TBCK: variants seen among roughly 807,000 people sequenced by gnomAD.
TBCK encodes the protein TBC1 domain containing kinase.
A neutral mutation model predicts 113.4 loss-of-function variants in TBCK; 99 were observed. That is an observed-to-expected ratio of 0.87 (90% confidence interval 0.74 to 1.03). TBCK has a LOEUF of 1.03. Among genes scored for constraint, TBCK ranks in the 50% least tolerant of loss-of-function variants. The pLI is 0.00. For missense variants in TBCK, 1,045 were observed against 1,061.3 expected, an observed-to-expected ratio of 0.98 and a Z score of 0.21; for synonymous variants, 369 against 370.8, an observed-to-expected ratio of 1.00 and a Z score of 0.05.
intron 19 of TBCK, among the ~76,000 whole-genome samples, chr4:106,221,579 G>A (rs1418374532): frequency 6.6e-6 from 1 of 151,460 alleles, no homozygotes; most frequent in African/African-American, 2.4e-5. Flanking sequence ...TTTCAAAAAA[G>A]CTTTTAAAAG....
At chr4:106,067,616 T>A (rs1282033172) in intron 25 of TBCK, among the ~76,000 whole-genome samples, 1 of 152,194 alleles carries the variant, frequency 6.6e-6, no homozygotes, top group Non-Finnish European at 1.5e-5. Context: ...TCTAAGAGTT[T>A]TATAGTTGTA....
At chr4:106,237,645 G>A in intron 12 of TBCK, 1 of 393,702 alleles carries the variant, frequency 2.5e-6, no homozygotes, top group Non-Finnish European at 5.1e-6. Flanking sequence ...AATTTTTAAA[G>A]CTTAAGAAAA....
intron 3 of TBCK, among the ~76,000 whole-genome samples, chr4:106,286,834 C>T (rs909940393): frequency 4.0e-5 from 6 of 149,212 alleles, no homozygotes; most frequent in African/African-American, 1.2e-4. Flanking sequence ...AAGCAGTGAT[C>T]GCACTACTGC....
intron 23 of TBCK, among the ~76,000 whole-genome samples, chr4:106,169,355 A>G (rs1208136359): frequency 2.0e-5 from 3 of 152,096 alleles, no homozygotes; most frequent in Admixed American, 1.3e-4. Flanking sequence ...ACAAACATCA[A>G]TGAAAAAGAA....
intron 2 of TBCK, among the ~76,000 whole-genome samples, chr4:106,297,913 A>AAATGAGTT (rs1465516530): frequency 6.2e-4 from 95 of 152,320 alleles, no homozygotes; most frequent in African/African-American, 2.2e-3. Context: ...TGTGAGGTTG[A>AAATGAGTT]AATGAGTTAA....
At chr4:106,198,216 T>C (rs1679806036) in intron 20 of TBCK, among the ~76,000 whole-genome samples, 1 of 152,172 alleles carries the variant, frequency 6.6e-6, no homozygotes, top group African/African-American at 2.4e-5. Context: ...CCTCTGTGAA[T>C]CCCAGATCTT....
intron 25 of TBCK, among the ~76,000 whole-genome samples, chr4:106,067,810 G>A (rs1309084130): frequency 1.3e-5 from 2 of 152,054 alleles, no homozygotes; most frequent in Non-Finnish European, 2.9e-5. Flanking sequence ...ATAGACGTGA[G>A]GGTTTATTTC....
intron 1 of TBCK, among the ~76,000 whole-genome samples, chr4:106,312,236 T>C (rs1369289223): frequency 6.6e-6 from 1 of 152,180 alleles, no homozygotes; most frequent in Non-Finnish European, 1.5e-5. Context: ...CTGTATATAA[T>C]TGACCTGTAT....
chr4:106,291,167 T>C (rs1200616224), intron 3 of TBCK, among the ~76,000 whole-genome samples: 1 of 152,144 alleles, frequency 6.6e-6, no homozygotes, highest in African/African-American at 2.4e-5. Flanking sequence ...AAATGCAACA[T>C]TTATTTTAGT....
chr4:106,242,448 A>G (rs768777600), intron 12 of TBCK, 22 bp downstream of exon 12: 31 of 1,559,436 alleles, frequency 2.0e-5, no homozygotes, highest in Middle Eastern at 1.7e-4. Context: ...CTAAAGCAGA[A>G]CTGTCAAAAT....
At position 106,273,174 on chromosome 4, in the gene TBCK, A is replaced by G. The variant is rs148281451; in HGVS notation, c.267-10962T>C. 5.6e-3 allele frequency among the ~76,000 whole-genome samples: 847 copies of G among 152,354 alleles called. 10 individuals carry two copies. Among genetic ancestry groups the G allele is most frequent in the African/African-American group, 0.02 (816 of 41,586 alleles). On this transcript the variant is annotated intron_variant, in intron 3 of 25. Coordinates refer to ENST00000394708, the MANE Select transcript of TBCK (RefSeq NM_001163435.3). The stretch of plus-strand genomic sequence containing the variant: ...AACCCTTGGCTTTACAATTGTAACT[A>G]TAACAACAAAATGTAAAAGGAATAC...
chr4:106,212,556 G>C (rs895936557), intron 20 of TBCK, among the ~76,000 whole-genome samples, 194 bp downstream of exon 20: 2 of 152,038 alleles, frequency 1.3e-5, no homozygotes, highest in Non-Finnish European at 2.9e-5. Context: ...TAAGAAAAAT[G>C]ACTTATTTTC....
chr4:106,154,219 T>C (rs1388722527), intron 23 of TBCK, among the ~76,000 whole-genome samples: 1 of 152,154 alleles, frequency 6.6e-6, no homozygotes, highest in African/African-American at 2.4e-5. Context: ...TTTATGTATC[T>C]GTGGTGTGTT....
chr4:106,138,568 T>C (rs907561866), intron 23 of TBCK, among the ~76,000 whole-genome samples: 2 of 141,056 alleles, frequency 1.4e-5, no homozygotes, highest in East Asian at 2.0e-4. Context: ...AAATATTTCA[T>C]ACAGTTTAAG....
intron 25 of TBCK, among the ~76,000 whole-genome samples, chr4:106,054,913 TG>T (rs1365234610): frequency 2.6e-5 from 4 of 151,642 alleles, no homozygotes; most frequent in African/African-American, 7.3e-5. Context: ...ACAGGCAAGA[TG>T]ATTTTTTAAA....
chr4:106,072,753 C>G (rs113276081), intron 25 of TBCK, among the ~76,000 whole-genome samples: 4,159 of 152,252 alleles, frequency 0.027, 180 homozygotes, highest in African/African-American at 0.093. Flanking sequence ...GAGATTTGGT[C>G]TTTTCACAGA....
rs1734139584 is a variant in TBCK, at chr4:106,045,482, G to C, written c.*1088C>G. ...ATATGTACTCTCTTCTTCCCACACAGTAATAAGAATGTTTTTAGCTGGGGA... is the reference window on the plus strand; with the variant it reads ...ATATGTACTCTCTTCTTCCCACACACTAATAAGAATGTTTTTAGCTGGGGA... On this transcript the variant is annotated 3_prime_UTR_variant, in exon 26 of 26. Coordinates refer to ENST00000394708, the MANE Select transcript of TBCK (RefSeq NM_001163435.3). The C allele has an allele frequency of 6.6e-6, 1 of 152,138 alleles. No homozygotes were observed. The highest frequency in any genetic ancestry group is 2.4e-5 in the African/African-American group (1 of 41,432). The allele number at this position is 152,138 out of a possible 1,614,324, so 9.4% of individuals were successfully genotyped here.
intron 20 of TBCK, among the ~76,000 whole-genome samples, chr4:106,212,197 G>A (rs1197966824): frequency 2.0e-5 from 3 of 151,854 alleles, no homozygotes; most frequent in African/African-American, 4.8e-5. Flanking sequence ...TACATTTATT[G>A]GATACAATGT....
chr4:106,182,206 G>T (rs911009763), intron 22 of TBCK: 1 of 152,128 alleles, frequency 6.6e-6, no homozygotes, highest in Admixed American at 6.6e-5. Flanking sequence ...TGTGATTTTT[G>T]CACATTGATT....
Sources: gnomAD v4.1 joint callset for allele counts (sites outside exome capture counted in the v4.1 genomes callset) on GRCh38, gnomAD v4.1.1 for gene constraint, MANE v1.5 for transcripts, NCBI Gene and HGNC (gene_info 2026-07-23, HGNC 2026-07-21) for gene names.